The following SPAG16 variants were observed in gnomAD, a reference collection of about 807,000 sequenced individuals.
SPAG16 encodes the protein sperm associated antigen 16, also known as sperm-associated antigen 16 protein.
SPAG16 carries 86 observed loss-of-function variants against 80.4 expected under a neutral mutation model. The ratio of observed to expected loss-of-function variants is 1.07; its 90% CI spans 0.90 to 1.28. SPAG16 has a LOEUF of 1.28. SPAG16 is among the 50% of genes most tolerant of loss of function. The probability of loss-of-function intolerance (pLI) is 0.00; values close to 1 mark genes in which losing one functional copy is unlikely to be tolerated. For missense variants in SPAG16, 870 were observed against 765.3 expected (o/e 1.14, Z -1.61); for synonymous variants, 294 against 265.9 (o/e 1.11, Z -1.03).
chr2:213,668,977 C>G (rs1013607304), intron 10 of SPAG16, among the ~76,000 whole-genome samples: 2 of 152,162 alleles, frequency 1.3e-5, no homozygotes, highest in Admixed American at 6.5e-5. Flanking sequence ...TCTAAGAAGT[C>G]TCTGGAAAAT....
chr2:214,289,428 T>A (rs547836956), intron 15 of SPAG16, among the ~76,000 whole-genome samples: 1 of 152,324 alleles, frequency 6.6e-6, no homozygotes, highest in Non-Finnish European at 1.5e-5. Flanking sequence ...TAGAGAGCAG[T>A]CCAGATTCAT....
rs374117094 is a variant in SPAG16, at chr2:214,174,345, C to G, written c.1720+25079C>G. ...TCTAGAAAACCCCATTGTCTCAGCC[C>G]AAAATCTCCTTAAGCTGATAAGCAA... On this transcript the variant is annotated intron_variant, in intron 15 of 15. Coordinates refer to ENST00000331683, the MANE Select transcript of SPAG16 (RefSeq NM_024532.5). 8.6e-5 allele frequency among the ~76,000 whole-genome samples: 13 copies of G among 152,004 alleles called. No individual in the cohort carries two copies. In the East Asian group the frequency reaches 9.7e-4, roughly 11 times the overall value.
intron 12 of SPAG16, among the ~76,000 whole-genome samples, chr2:214,005,277 C>T (rs565071114): frequency 6.6e-6 from 1 of 152,274 alleles, no homozygotes; most frequent in East Asian, 1.9e-4. Flanking sequence ...TGAGTGAGGA[C>T]TTGAAGGCAC....
intron 15 of SPAG16, among the ~76,000 whole-genome samples, chr2:214,318,666 G>A (rs563014324): frequency 2.8e-4 from 42 of 152,136 alleles, no homozygotes; most frequent in African/African-American, 9.6e-4. Flanking sequence ...ATGAGCCACC[G>A]CGCCCAGCCC....
chr2:213,807,228 T>C (rs1262978075), intron 10 of SPAG16, among the ~76,000 whole-genome samples: 1 of 152,202 alleles, frequency 6.6e-6, no homozygotes, highest in Admixed American at 6.5e-5. Context: ...TTTGCTTCCA[T>C]ACTCCTTCAT....
intron 15 of SPAG16, among the ~76,000 whole-genome samples, chr2:214,314,402 T>C (rs1407341890): frequency 1.3e-5 from 2 of 152,216 alleles, no homozygotes; most frequent in African/African-American, 4.8e-5. Flanking sequence ...AAGTGCTAAC[T>C]TTAATCTTGT....
chr2:214,032,019 A>G (rs765951203), intron 13 of SPAG16, among the ~76,000 whole-genome samples: 17 of 152,172 alleles, frequency 1.1e-4, no homozygotes, highest in Non-Finnish European at 2.2e-4. Context: ...AGTCTTCAAT[A>G]AGTCCAAGTT....
intron 10 of SPAG16, among the ~76,000 whole-genome samples, chr2:213,505,121 G>A (rs571603044): frequency 7.2e-5 from 11 of 152,234 alleles, no homozygotes; most frequent in African/African-American, 2.4e-4. Flanking sequence ...CAACTGTTTT[G>A]TATAAATATA....
chr2:213,290,961 T>G (rs555291196), intron 1 of SPAG16, among the ~76,000 whole-genome samples: 1 of 152,334 alleles, frequency 6.6e-6, no homozygotes, highest in South Asian at 2.1e-4. Context: ...ATTCTTTTTA[T>G]GAGAACCCAA....
chr2:214,270,916 A>G (rs945076232), intron 15 of SPAG16, among the ~76,000 whole-genome samples: 7 of 152,178 alleles, frequency 4.6e-5, no homozygotes, highest in Admixed American at 2.0e-4. Flanking sequence ...AAAACAAAGT[A>G]TAAGTTCCAT....
chr2:213,959,205 A>G (rs1198832294), intron 12 of SPAG16, among the ~76,000 whole-genome samples: 2 of 152,128 alleles, frequency 1.3e-5, no homozygotes, highest in Non-Finnish European at 2.9e-5. Flanking sequence ...GCTTTGAAAA[A>G]TTTGAATGTA....
intron 10 of SPAG16, among the ~76,000 whole-genome samples, chr2:213,533,916 T>C (rs557852117): frequency 5.3e-5 from 8 of 152,272 alleles, no homozygotes; most frequent in Non-Finnish European, 1.2e-4. Context: ...TGAATGACAT[T>C]AAAGGCTTGG....
intron 15 of SPAG16, among the ~76,000 whole-genome samples, chr2:214,301,160 TACACAA>T (rs915789175): frequency 4.6e-5 from 7 of 150,836 alleles, no homozygotes; most frequent in African/African-American, 1.7e-4. Context: ...TAATTGAACA[TACACAA>T]ACCAATAAAT....
intron 10 of SPAG16, among the ~76,000 whole-genome samples, chr2:213,680,341 G>T (rs1195761378): frequency 1.3e-5 from 2 of 151,714 alleles, no homozygotes; most frequent in Non-Finnish European, 1.5e-5. Context: ...AGTCCTTATT[G>T]GTTTCACCAG....
chr2:213,562,698 C>G (rs2059632180), intron 10 of SPAG16, among the ~76,000 whole-genome samples: 1 of 151,894 alleles, frequency 6.6e-6, no homozygotes, highest in Non-Finnish European at 1.5e-5. Context: ...GCTATCTTTT[C>G]TCTGTCCTCA....
chr2:213,631,718 C>T (rs1202211872), intron 10 of SPAG16, among the ~76,000 whole-genome samples: 2 of 152,186 alleles, frequency 1.3e-5, no homozygotes, highest in Non-Finnish European at 1.5e-5. Context: ...CTGGTTTTCC[C>T]AGCACCATTT....
chr2:214,114,290 C>A (rs2125429312), intron 14 of SPAG16, among the ~76,000 whole-genome samples: 1 of 152,292 alleles, frequency 6.6e-6, no homozygotes, highest in African/African-American at 2.4e-5. Flanking sequence ...GGGTCAGGGA[C>A]CCACTTGAGG....
chr2:213,894,140 G>T (rs1042465922), intron 11 of SPAG16, among the ~76,000 whole-genome samples: 4 of 152,006 alleles, frequency 2.6e-5, no homozygotes, highest in Non-Finnish European at 5.9e-5. Flanking sequence ...CTATAAAGGA[G>T]GCCAAAAGTG....
At chr2:213,326,353 G>A (rs947427747) in intron 5 of SPAG16, among the ~76,000 whole-genome samples, 4 of 151,934 alleles carry the variant, frequency 2.6e-5, no homozygotes, top group African/African-American at 9.7e-5. Context: ...CCCAGCTTTT[G>A]TGAAGACCCA....
Sources: gnomAD v4.1 joint callset for allele counts (sites outside exome capture counted in the v4.1 genomes callset) on GRCh38, gnomAD v4.1.1 for gene constraint, MANE v1.5 for transcripts, NCBI Gene and HGNC (gene_info 2026-07-23, HGNC 2026-07-21) for gene names.